ZBTB7A: variants seen among roughly 807,000 people sequenced by gnomAD.
The protein encoded by ZBTB7A is zinc finger and BTB domain-containing protein 7A.
In ZBTB7A, 7 loss-of-function variants were observed where a neutral mutation model predicts 26.7. The observed-to-expected ratio is 0.26, with a 90% confidence interval of 0.15 to 0.49. ZBTB7A has a LOEUF of 0.49. Ranked by LOEUF, ZBTB7A falls within the 20% of genes least tolerant of loss-of-function variation. The probability of loss-of-function intolerance (pLI) is 0.98; values close to 1 mark genes in which losing one functional copy is unlikely to be tolerated. For synonymous variants in ZBTB7A, 452 were observed against 441.0 expected, an observed-to-expected ratio of 1.02 and a Z score of -0.31; for missense variants, 617 against 919.5, an observed-to-expected ratio of 0.67 and a Z score of 4.25.
chr19:4,045,967 G>A lies in ZBTB7A; in HGVS notation c.*1785C>T, dbSNP rs2040411414. On this transcript the variant is annotated 3_prime_UTR_variant, in exon 3 of 3. Coordinates refer to ENST00000322357, the MANE Select transcript of ZBTB7A (RefSeq NM_015898.4). This position sits in a 1 kb window ranked among gnomAD's most constrained non-coding sequence, Gnocchi z 4.1. ...GGGGCCCCTGTCACCCACCTCAGCA[G>A]GGTAGGCGCATCCAAGGTCCAGCTC... 2.5e-6 allele frequency: 1 copy of A among 398,798 alleles called. No individual in the cohort carries two copies. The highest frequency in any genetic ancestry group is 4.4e-6 in the Non-Finnish European group (1 of 226,120). The allele number at this position is 398,798 out of a possible 1,614,324, so 24.7% of individuals were successfully genotyped here.
intron 2 of ZBTB7A, among the ~76,000 whole-genome samples, chr19:4,051,583 C>T (rs1243255741): frequency 6.6e-6 from 1 of 152,202 alleles, no homozygotes; most frequent in Non-Finnish European, 1.5e-5. Context: ...CCCACTGAAG[C>T]CAACAGAACG....
intron 1 of ZBTB7A, chr19:4,062,330 C>T (rs996090222): frequency 6.6e-6 from 1 of 152,360 alleles, no homozygotes; most frequent in African/African-American, 2.4e-5. Context: ...CGCTTTGGGG[C>T]TCTGGACTCG....
chr19:4,053,778 GTGTC>G (rs985857041), intron 2 of ZBTB7A, among the ~76,000 whole-genome samples, 189 bp downstream of exon 2: 9 of 151,136 alleles, frequency 6.0e-5, no homozygotes, highest in Non-Finnish European at 8.8e-5. Context: ...GCGTGTATGT[GTGTC>G]TGCGTGTGTG....
At position 4,053,959 on chromosome 19, in the gene ZBTB7A, C is replaced by A; in HGVS notation, c.1262+12G>T. 1 of 1,583,496 alleles carries A rather than the reference C, an allele frequency of 6.3e-7. No individual in the cohort carries two copies. On this transcript the variant is annotated intron_variant, in intron 2 of 2. Transcript: ENST00000322357. The stretch of plus-strand genomic sequence containing the variant: ...GAGCAGGACGGCGCCTCCCCCGCGG[C>A]GGGCAGCTCACCTGGTGAAGCGGAC...
rs569926903 is a variant in ZBTB7A, at chr19:4,057,240, C to T, written c.-15-1993G>A. 4.6e-5 allele frequency among the ~76,000 whole-genome samples: 7 copies of T among 151,776 alleles called. No individual in the cohort carries two copies. The South Asian group carries it at 6.2e-4, about 14-fold the overall frequency. On this transcript the variant is annotated intron_variant, in intron 1 of 2. Coordinates refer to ENST00000322357, the MANE Select transcript of ZBTB7A (RefSeq NM_015898.4). The stretch of plus-strand genomic sequence containing the variant: ...GCGCGTGCCTGTAATCCCAGCTACT[C>T]GGGAGGCTGAGGCAGGAGAATCGCT...
At position 4,047,865 on chromosome 19, in the gene ZBTB7A, C is replaced by T; in HGVS notation, c.1642G>A (p.Ala548Thr). 1.9e-6 allele frequency: 3 copies of T among 1,604,214 alleles called. No individual in the cohort carries two copies. The highest frequency in any genetic ancestry group is 2.6e-6 in the Non-Finnish European group (3 of 1,176,078). The change falls in exon 3 of 3, where the codon GCC becomes ACC. Residue 548 changes from alanine (A) to threonine (T), a missense_variant. By Grantham distance (58) the Ala-to-Thr change is moderately conservative. Around this residue, in one of 5 missense-constraint regions of ZBTB7A, gnomAD observed 136 missense variants for 126.6 expected, o/e 1.07. Transcript: ENST00000322357. The part of the protein sequence containing the change: ...FKDEDEDEDV[A>T]SPDGLGRLNV... Reference sequence around the variant, plus strand: ...AACCGGCCCAAGCCGTCGGGGCTGGCCACGTCCTCGTCCTCGTCCTCGTCC... The same window carrying T: ...AACCGGCCCAAGCCGTCGGGGCTGGTCACGTCCTCGTCCTCGTCCTCGTCC...
chr19:4,053,525 GTGC>G (rs2144987739), intron 2 of ZBTB7A, among the ~76,000 whole-genome samples: 1 of 151,054 alleles, frequency 6.6e-6, no homozygotes, highest in South Asian at 2.1e-4. Context: ...GCGTGCGTGC[GTGC>G]GTGCATGTGT....
chr19:4,050,734 G>A (rs2040494372), intron 2 of ZBTB7A, among the ~76,000 whole-genome samples: 1 of 152,166 alleles, frequency 6.6e-6, no homozygotes, highest in Admixed American at 6.5e-5. Flanking sequence ...TAGGTAAAAT[G>A]TTTCAAGTCA....
chr19:4,066,011 G>A (rs1599266548), intron 1 of ZBTB7A, among the ~76,000 whole-genome samples: 1 of 117,102 alleles, frequency 8.5e-6, no homozygotes, highest in African/African-American at 3.3e-5. Context: ...GCCCCTACCC[G>A]CAGGCCGCGG....
intron 1 of ZBTB7A, among the ~76,000 whole-genome samples, chr19:4,057,868 G>T (rs537692912): frequency 6.6e-6 from 1 of 151,334 alleles, no homozygotes; most frequent in African/African-American, 2.4e-5. Flanking sequence ...CACCCACTCC[G>T]TCGTGAGCTG....
At chr19:4,049,077 G>A (rs1296379528) in intron 2 of ZBTB7A, among the ~76,000 whole-genome samples, 1 of 147,460 alleles carries the variant, frequency 6.8e-6, no homozygotes, top group African/African-American at 2.5e-5. Context: ...CTGGGCTCAA[G>A]CCATCGTCCT....
At chr19:4,053,748 G>A (rs1419315483) in intron 2 of ZBTB7A, among the ~76,000 whole-genome samples, 2 of 151,770 alleles carry the variant, frequency 1.3e-5, no homozygotes, top group African/African-American at 4.8e-5. Flanking sequence ...GTGTGTGCAT[G>A]TGCGTATATA....
chr19:4,044,123 A>C lies in ZBTB7A; in HGVS notation c.*3629T>G, dbSNP rs1317699385. Among the ~76,000 whole-genome samples the C allele has an allele frequency of 1.3e-5, 2 of 151,776 alleles. No individual in the cohort carries two copies. The highest frequency in any genetic ancestry group is 2.9e-5 in the Non-Finnish European group (2 of 67,908). On this transcript the variant is annotated 3_prime_UTR_variant, in exon 3 of 3. Coordinates refer to ENST00000322357, the MANE Select transcript of ZBTB7A (RefSeq NM_015898.4). ...ACGGCCCCGGGGTCTGAATCGTGCA[A>C]AGACCCCTGTCCCCCACCTTCCCTG... is the stretch of plus-strand genomic sequence containing the variant.
rs752209850 is a variant in ZBTB7A at position 4,054,248 on chromosome 19, G to T, written c.985C>A (p.Arg329=). ...CTGTCCCCCGCCGCGGCCCCCGCCC[G>T]GCCCACCGATGACATCATCTGCTGC... ...LLQQMMSSVG[R]AGAAAGDSDE... is the part of the protein sequence containing the mutation. The change falls in exon 2 of 3, where the codon CGG becomes AGG. Residue 329 remains arginine (R), a synonymous_variant. Coordinates refer to ENST00000322357, the MANE Select transcript of ZBTB7A (RefSeq NM_015898.4). 1 of 1,577,910 alleles carries T rather than the reference G, an allele frequency of 6.3e-7. No homozygotes were observed. The highest frequency in any genetic ancestry group is 1.1e-5 in the South Asian group (1 of 89,150).
Position 4,047,587 on chromosome 19 carries a change from T to A in ZBTB7A, c.*165A>T. Reference sequence around the variant, plus strand: ...AAATCTGAGAAAGCGCTACCCTAGATTCTGTGACGCGTCATATATATATAT... The same window carrying A: ...AAATCTGAGAAAGCGCTACCCTAGAATCTGTGACGCGTCATATATATATAT... On this transcript the variant is annotated 3_prime_UTR_variant, in exon 3 of 3. Transcript: ENST00000322357. 2.1e-6 allele frequency: 1 copy of A among 472,618 alleles called. No homozygotes were observed. The highest frequency in any genetic ancestry group is 3.1e-6 in the Non-Finnish European group (1 of 319,344). 29.3% of individuals were successfully genotyped at this position (472,618 alleles called of 1,614,324 possible).
In ZBTB7A at chr19:4,054,630, G is replaced by A. The variant is rs534796836; in HGVS notation, c.603C>T (p.Ala201=). Residue 201 remains alanine, a synonymous_variant, in exon 2 of 3, where the codon GCC becomes GCT. Transcript: ENST00000322357. The part of the protein sequence containing the change: ...SDDDLDATKE[A]VAAAVAAVAA... ...CCACGGCGGCCACAGCGGCGGCCAC[G>A]GCCTCCTTGGTGGCATCCAGGTCAT... 1.8e-3 allele frequency: 2,812 copies of A among 1,593,544 alleles called. 78 individuals carry two copies. The South Asian group carries it at 0.029, about 17-fold the overall frequency.
At chr19:4,056,816 GA>G (rs2040584367) in intron 1 of ZBTB7A, among the ~76,000 whole-genome samples, 1 of 150,706 alleles carries the variant, frequency 6.6e-6, no homozygotes, top group Non-Finnish European at 1.5e-5. Context: ...GCAGTGAGCC[GA>G]GATTGCACCA....
Position 4,048,043 on chromosome 19 carries a change from G to A in ZBTB7A, c.1464C>T (p.Asp488=), listed in dbSNP as rs1316504740. The A allele has an allele frequency of 1.4e-5, 21 of 1,540,284 alleles. No homozygotes were observed. The highest frequency in any genetic ancestry group is 4.8e-5 in the South Asian group (4 of 83,650). The change falls in exon 3 of 3, where the codon GAC becomes GAT. Residue 488 remains aspartate (D), a synonymous_variant. Coordinates refer to ENST00000322357, the MANE Select transcript of ZBTB7A (RefSeq NM_015898.4). The surrounding 1 kb of genome is among the most constrained non-coding windows in gnomAD (Gnocchi z 6.7). ...SDHLHRHLKK[D]GCNGVPSRRG... ...GGCGCGAGGGGACGCCGTTGCAGCC[G>A]TCTTTCTTGAGGTGTCTGTGCAGGT...
In ZBTB7A at chr19:4,054,533, C is replaced by T. The variant is rs1279382071; in HGVS notation, c.700G>A (p.Gly234Arg). 6.9e-7 allele frequency: 1 copy of T among 1,444,426 alleles called. No homozygotes were observed. The allele number at this position is 1,444,426 out of a possible 1,614,324, so 89.5% of individuals were successfully genotyped here. A position where few individuals can be genotyped will look rare whatever the true frequency, so the allele number is the denominator to read the frequency against. The part of the protein sequence containing the change: ...PPAERPPTGD[G>R]DEGDSNPGLW... ...CCCGGGTTGCTGTCGCCCTCGTCCC[C>T]GTCCCCCGTCGGGGGCCGCTCGGCC... Residue 234 changes from glycine to arginine, a missense_variant, in exon 2 of 3, where the codon GGG (glycine) becomes AGG (arginine). By Grantham distance (125) the Gly-to-Arg change is moderately radical (BLOSUM62 -2). Transcript: ENST00000322357.
Sources: allele counts gnomAD v4.1 joint callset (sites outside exome capture counted in the v4.1 genomes callset), GRCh38; gene constraint gnomAD v4.1.1; regional missense constraint gnomAD v4.1.1; non-coding constraint Gnocchi (gnomAD v3.1); transcripts MANE v1.5; gene names NCBI Gene and HGNC (gene_info 2026-07-23, HGNC 2026-07-21).